GPC6: variants seen among roughly 807,000 people sequenced by gnomAD.
GPC6 encodes glypican 6, also known as glypican-6.
A neutral mutation model predicts 55.2 loss-of-function variants in GPC6; 14 were observed. The observed-to-expected ratio is 0.25, with a 90% confidence interval of 0.17 to 0.40. The LOEUF is 0.40. GPC6 is among the 10% of genes least tolerant of loss of function. The pLI is 1.00. For synonymous variants in GPC6, 278 were observed against 259.6 expected (o/e 1.07, Z -0.68); for missense variants, 641 against 708.5 (o/e 0.90, Z 1.08).
chr13:94,178,514 C>T (rs1327701410), intron 4 of GPC6, among the ~76,000 whole-genome samples: 1 of 152,216 alleles, frequency 6.6e-6, no homozygotes, highest in East Asian at 1.9e-4. Context: ...ATACACTAGA[C>T]TACACCCAAT....
At chr13:93,679,455 G>A (rs1881768975) in intron 2 of GPC6, among the ~76,000 whole-genome samples, 1 of 152,132 alleles carries the variant, frequency 6.6e-6, no homozygotes, top group South Asian at 2.1e-4. Flanking sequence ...CAAAAGAAAA[G>A]AATGCTTATT....
chr13:94,170,717 T>C (rs1185397098), intron 4 of GPC6, among the ~76,000 whole-genome samples: 3 of 152,202 alleles, frequency 2.0e-5, no homozygotes, highest in African/African-American at 7.2e-5. Flanking sequence ...TGTTTGCAAA[T>C]GCTGAAGAGA....
intron 1 of GPC6, among the ~76,000 whole-genome samples, chr13:93,369,904 C>T (rs1349334093): frequency 6.6e-6 from 1 of 152,080 alleles, no homozygotes; most frequent in African/African-American, 2.4e-5. Context: ...CCATGGCCTG[C>T]TGTATTCAAG....
chr13:93,704,414 G>A (rs1882776154), intron 2 of GPC6, among the ~76,000 whole-genome samples: 1 of 151,820 alleles, frequency 6.6e-6, no homozygotes, highest in Non-Finnish European at 1.5e-5. Flanking sequence ...CTAAAATTGA[G>A]AGTTAAATGA....
At chr13:93,473,096 G>T (rs559939236) in intron 1 of GPC6, among the ~76,000 whole-genome samples, 1 of 152,168 alleles carries the variant, frequency 6.6e-6, no homozygotes, top group African/African-American at 2.4e-5. Flanking sequence ...CCATGGGTGG[G>T]CCCAGAAAAG....
At chr13:93,492,383 CTT>C (rs2139358981) in intron 1 of GPC6, among the ~76,000 whole-genome samples, 1 of 145,948 alleles carries the variant, frequency 6.9e-6, no homozygotes, top group East Asian at 2.0e-4. Context: ...TATCCTGAGA[CTT>C]TGCTGAAGTT....
chr13:94,061,133 G>A (rs980856326), intron 4 of GPC6, among the ~76,000 whole-genome samples: 1 of 152,158 alleles, frequency 6.6e-6, no homozygotes, highest in Admixed American at 6.5e-5. Context: ...TGTGTGCCAG[G>A]TGGGTTGTAA....
chr13:93,399,958 A>C (rs1876008317), intron 1 of GPC6, among the ~76,000 whole-genome samples: 1 of 152,222 alleles, frequency 6.6e-6, no homozygotes. Context: ...GATCAGAAGT[A>C]GGCAAGATAC....
chr13:94,044,919 T>C (rs1009281182), intron 4 of GPC6, among the ~76,000 whole-genome samples: 3 of 151,936 alleles, frequency 2.0e-5, no homozygotes, highest in Non-Finnish European at 4.4e-5. Flanking sequence ...TGCCGTATCA[T>C]ATAAAGGATT....
chr13:93,440,119 C>A (rs759315838), intron 1 of GPC6, among the ~76,000 whole-genome samples: 8 of 152,100 alleles, frequency 5.3e-5, no homozygotes, highest in Admixed American at 2.0e-4. Context: ...AATTTTATGG[C>A]CATATAATAT....
At chr13:93,498,122 G>C (rs142118660) in intron 1 of GPC6, among the ~76,000 whole-genome samples, 55 of 152,296 alleles carry the variant, frequency 3.6e-4, no homozygotes, top group Non-Finnish European at 6.2e-4. Context: ...TGGCTGCCAT[G>C]TTTCCTCCTA....
chr13:93,249,170 T>C (rs1876702878), intron 1 of GPC6, among the ~76,000 whole-genome samples: 1 of 152,166 alleles, frequency 6.6e-6, no homozygotes, highest in Non-Finnish European at 1.5e-5. Flanking sequence ...CTGTCCTATA[T>C]TACCACCCAT....
chr13:93,862,932 A>G (rs867428945), intron 3 of GPC6, among the ~76,000 whole-genome samples: 9 of 151,464 alleles, frequency 5.9e-5, no homozygotes, highest in Non-Finnish European at 7.4e-5. Context: ...GGCTTTTTCA[A>G]CTCTGTATTC....
intron 3 of GPC6, among the ~76,000 whole-genome samples, chr13:93,891,987 T>C (rs1354912898): frequency 6.6e-6 from 1 of 151,990 alleles, no homozygotes; most frequent in East Asian, 1.9e-4. Context: ...AAGTGTATTG[T>C]ATATGTTTTT....
At chr13:94,346,586 G>C (rs1174359584) in intron 6 of GPC6, among the ~76,000 whole-genome samples, 1 of 152,044 alleles carries the variant, frequency 6.6e-6, no homozygotes, top group Non-Finnish European at 1.5e-5. Context: ...GCTGGGCGTA[G>C]TGGCGGGCAC....
intron 1 of GPC6, among the ~76,000 whole-genome samples, chr13:93,484,882 G>A (rs1268518263): frequency 6.6e-6 from 1 of 152,040 alleles, no homozygotes; most frequent in Non-Finnish European, 1.5e-5. Context: ...AACATTAATT[G>A]TGCATTACTT....
chr13:93,842,331 A>G (rs1368556977), intron 3 of GPC6, among the ~76,000 whole-genome samples: 1 of 152,182 alleles, frequency 6.6e-6, no homozygotes, highest in African/African-American at 2.4e-5. Context: ...CTGCATCGGT[A>G]GAGAGAAGAT....
intron 4 of GPC6, among the ~76,000 whole-genome samples, chr13:94,127,440 T>G (rs1886858368): frequency 6.6e-6 from 1 of 152,098 alleles, no homozygotes; most frequent in Non-Finnish European, 1.5e-5. Context: ...AGCTCCGCCT[T>G]TGCCTTCCAC....
At chr13:94,044,900 T>A (rs1231525779) in intron 4 of GPC6, among the ~76,000 whole-genome samples, 3 of 151,866 alleles carry the variant, frequency 2.0e-5, no homozygotes, top group Non-Finnish European at 4.4e-5. Flanking sequence ...TTAACACCTT[T>A]TTTTAACGTG....
Sources: allele counts gnomAD v4.1 joint callset (sites outside exome capture counted in the v4.1 genomes callset), GRCh38; gene constraint gnomAD v4.1.1; transcripts MANE v1.5; gene names NCBI Gene and HGNC (gene_info 2026-07-23, HGNC 2026-07-21).